Variants in NRXN3 observed in about 807,000 individuals in gnomAD.
NRXN3 encodes neurexin III.
In NRXN3, 32 loss-of-function variants were observed where a neutral mutation model predicts 137.6. That is an observed-to-expected ratio of 0.23 (90% CI 0.18 to 0.31). The LOEUF is 0.31. Among genes scored for constraint, NRXN3 ranks in the 10% least tolerant of loss-of-function variants. The pLI is 1.00. For missense variants in NRXN3, 1,574 were observed against 2,062.5 expected (o/e 0.76, Z 4.59); for synonymous variants, 798 against 784.5 (o/e 1.02, Z -0.29).
chr14:79,384,353 C>T lies in NRXN3; in HGVS notation c.3263-82868C>T, dbSNP rs28651084. Among the ~76,000 whole-genome samples the T allele has an allele frequency of 2.6e-3, 389 of 152,106 alleles. 1 individual carries two copies. The highest frequency in any genetic ancestry group is 9.1e-3 in the African/African-American group (379 of 41,498). On this transcript the variant is annotated intron_variant, in intron 15 of 20. Coordinates refer to ENST00000335750, the MANE Select transcript of NRXN3 (RefSeq NM_001330195.2). Reference sequence around the variant, plus strand: ...GTTAATGTCTAGGATATAATGGAAACGTGGGAAAAGGAGCCTCTTGACGTT... The same window carrying T: ...GTTAATGTCTAGGATATAATGGAAATGTGGGAAAAGGAGCCTCTTGACGTT...
intron 8 of NRXN3, among the ~76,000 whole-genome samples, chr14:78,738,391 G>A (rs1026814044): frequency 1.2e-4 from 18 of 152,232 alleles, no homozygotes; most frequent in Admixed American, 3.9e-4. Flanking sequence ...GCCTTGGTCC[G>A]TCACTTCCAG....
chr14:79,250,180 G>C (rs183410429), intron 15 of NRXN3, among the ~76,000 whole-genome samples: 3 of 152,234 alleles, frequency 2.0e-5, no homozygotes, highest in Admixed American at 1.3e-4. Context: ...GTGTATTCCA[G>C]AAAATCTTAG....
chr14:78,613,627 C>A (rs958114510), intron 4 of NRXN3, among the ~76,000 whole-genome samples: 3 of 140,264 alleles, frequency 2.1e-5, no homozygotes, highest in Non-Finnish European at 4.5e-5. Flanking sequence ...ATAGAGCTAG[C>A]CAGAGGACTT....
chr14:79,023,378 G>A (rs2099592947), intron 15 of NRXN3, among the ~76,000 whole-genome samples: 1 of 151,948 alleles, frequency 6.6e-6, no homozygotes, highest in Non-Finnish European at 1.5e-5. Flanking sequence ...TAATAAGCAA[G>A]TAAACACATG....
chr14:78,861,581 T>A (rs42568), intron 10 of NRXN3, among the ~76,000 whole-genome samples: 24,234 of 152,034 alleles, frequency 0.16, 3,573 homozygotes, highest in African/African-American at 0.39. Context: ...CTAAGAACCC[T>A]GTCATATGCA....
chr14:79,416,810 A>T (rs1299379313), intron 15 of NRXN3, among the ~76,000 whole-genome samples: 1 of 152,162 alleles, frequency 6.6e-6, no homozygotes, highest in African/African-American at 2.4e-5. Context: ...GCAAGCACAA[A>T]CTCAAAGATA....
intron 4 of NRXN3, among the ~76,000 whole-genome samples, chr14:78,618,969 C>T (rs762978288): frequency 2.0e-5 from 3 of 152,184 alleles, no homozygotes; most frequent in Non-Finnish European, 4.4e-5. Flanking sequence ...TGTATGACCC[C>T]TTAATGCAAT....
chr14:79,073,775 T>C (rs1338698166), intron 15 of NRXN3, among the ~76,000 whole-genome samples: 1 of 152,190 alleles, frequency 6.6e-6, no homozygotes, highest in Non-Finnish European at 1.5e-5. Context: ...AGCTATCAAC[T>C]ATCAGTCTTT....
chr14:78,425,889 T>G (rs572387858), intron 4 of NRXN3, among the ~76,000 whole-genome samples: 2 of 152,312 alleles, frequency 1.3e-5, no homozygotes, highest in East Asian at 1.9e-4. Flanking sequence ...GAGTGTAACA[T>G]TTGGCCCGTA....
chr14:78,576,525 C>T (rs114493404), intron 4 of NRXN3, among the ~76,000 whole-genome samples: 2,046 of 152,130 alleles, frequency 0.013, 39 homozygotes, highest in African/African-American at 0.047. Flanking sequence ...GGATAGCTGG[C>T]GCTGGGATGA....
chr14:79,496,509 G>A (rs146714670), intron 16 of NRXN3, among the ~76,000 whole-genome samples: 1 of 152,238 alleles, frequency 6.6e-6, no homozygotes, highest in East Asian at 1.9e-4. Flanking sequence ...GGATTTTGCC[G>A]CAGGGCTGTC....
intron 19 of NRXN3, among the ~76,000 whole-genome samples, chr14:79,749,997 G>A (rs1044610114): frequency 6.6e-6 from 1 of 152,118 alleles, no homozygotes; most frequent in Non-Finnish European, 1.5e-5. Flanking sequence ...AGAATCACTT[G>A]CTTTCAGATA....
At position 79,259,419 on chromosome 14, in the gene NRXN3, T is replaced by G. The variant is rs187019424; in HGVS notation, c.3263-207802T>G. Among the ~76,000 whole-genome samples, 4 of 152,086 alleles carry G rather than the reference T, an allele frequency of 2.6e-5. No individual in the cohort carries two copies. The East Asian group carries it at 7.7e-4, about 29-fold the overall frequency. On this transcript the variant is annotated intron_variant, in intron 15 of 20. Transcript: ENST00000335750. ...GTAGGGCTTGTTCTGTTGTCAGCATTTGTAGTCAGCATTTCTCTAGTGTTT... is the reference window on the plus strand; with the variant it reads ...GTAGGGCTTGTTCTGTTGTCAGCATGTGTAGTCAGCATTTCTCTAGTGTTT...
intron 15 of NRXN3, among the ~76,000 whole-genome samples, chr14:79,005,761 A>G (rs952670155): frequency 1.3e-4 from 20 of 151,596 alleles, no homozygotes; most frequent in African/African-American, 4.6e-4. Context: ...ATGTTTATAC[A>G]TGTTTACCTG....
intron 10 of NRXN3, among the ~76,000 whole-genome samples, chr14:78,836,454 C>G (rs978157044): frequency 1.3e-5 from 2 of 152,202 alleles, no homozygotes; most frequent in Admixed American, 6.5e-5. Context: ...GTTTCCTCAG[C>G]TCCATGCTCA....
intron 16 of NRXN3, among the ~76,000 whole-genome samples, chr14:79,585,171 G>A (rs1407722979): frequency 6.6e-6 from 1 of 152,078 alleles, no homozygotes; most frequent in Non-Finnish European, 1.5e-5. Context: ...AAAGATGTTG[G>A]GTTAATTTTA....
intron 11 of NRXN3, among the ~76,000 whole-genome samples, chr14:78,965,716 A>G (rs984248101): frequency 6.6e-6 from 1 of 152,158 alleles, no homozygotes. Context: ...AGTGTGTATT[A>G]GTGTCCAGTG....
At chr14:78,831,070 T>C (rs1379216002) in intron 10 of NRXN3, among the ~76,000 whole-genome samples, 2 of 152,234 alleles carry the variant, frequency 1.3e-5, no homozygotes, top group African/African-American at 4.8e-5. Context: ...AGCAAGCTGA[T>C]GACTTTACTA....
chr14:78,761,194 A>G (rs768222719), intron 8 of NRXN3, among the ~76,000 whole-genome samples: 15 of 152,164 alleles, frequency 9.9e-5, no homozygotes, highest in Admixed American at 2.0e-4. Flanking sequence ...TCCACCCACC[A>G]TTCACAATAT....
Sources: gnomAD v4.1 joint callset for allele counts (sites outside exome capture counted in the v4.1 genomes callset) on GRCh38, gnomAD v4.1.1 for gene constraint, MANE v1.5 for transcripts, NCBI Gene and HGNC (gene_info 2026-07-23, HGNC 2026-07-21) for gene names.